Variants in VIT observed in about 807,000 individuals in gnomAD.
VIT encodes vitrin.
A neutral mutation model predicts 78.0 loss-of-function variants in VIT; 99 were observed. The ratio of observed to expected loss-of-function variants is 1.27; its 90% CI spans 1.08 to 1.50. VIT has a LOEUF of 1.50. VIT is among the 40% of genes most tolerant of loss of function. VIT has a pLI of 0.00. For missense variants in VIT, 1,126 were observed against 875.3 expected (o/e 1.29, Z -3.61); for synonymous variants, 374 against 334.3 (o/e 1.12, Z -1.29).
At chr2:36,781,035 GT>G (rs35732684) in intron 9 of VIT, among the ~76,000 whole-genome samples, 143,377 of 152,190 alleles carry the variant, frequency 0.94, 67,983 homozygotes, top group East Asian at 1. Flanking sequence ...CCAGTTTGTG[GT>G]TGAAGGCCAT....
chr2:36,721,837 T>C (rs78058168), intron 2 of VIT, among the ~76,000 whole-genome samples: 2 of 152,216 alleles, frequency 1.3e-5, no homozygotes, highest in South Asian at 4.1e-4. Flanking sequence ...CCCTTTAGGT[T>C]GGGCCATCTT....
At chr2:36,732,508 T>C (rs913308639) in intron 3 of VIT, among the ~76,000 whole-genome samples, 7 of 152,222 alleles carry the variant, frequency 4.6e-5, no homozygotes, top group African/African-American at 1.2e-4. Context: ...TCATAGTCTA[T>C]AGCTTGAGGC....
chr2:36,739,337 C>G (rs1170992589), intron 3 of VIT, among the ~76,000 whole-genome samples: 3 of 152,122 alleles, frequency 2.0e-5, no homozygotes, highest in African/African-American at 7.2e-5. Flanking sequence ...TTGATTTGGC[C>G]TACTACATAA....
chr2:36,771,525 CA>C (rs1228263784), intron 7 of VIT, among the ~76,000 whole-genome samples: 71 of 65,982 alleles, frequency 1.1e-3, no homozygotes, highest in East Asian at 2.1e-3. Flanking sequence ...GACTTCATCT[CA>C]AAAAAAAAAA....
At chr2:36,769,317 T>C (rs920141885) in intron 7 of VIT, among the ~76,000 whole-genome samples, 21 of 152,234 alleles carry the variant, frequency 1.4e-4, no homozygotes, top group Non-Finnish European at 1.5e-5. Flanking sequence ...TGGAAATCTG[T>C]TGCAAGTTGG....
chr2:36,774,834 A>G (rs1201921969), intron 8 of VIT, 168 bp from the exon 9 acceptor site: 1 of 985,294 alleles, frequency 1.0e-6, no homozygotes, highest in African/African-American at 1.7e-5. Flanking sequence ...CCCCTTGGCC[A>G]AGATTTTTGC....
chr2:36,773,948 G>T (rs896374214), intron 8 of VIT, 101 bp downstream of exon 8: 7 of 1,278,388 alleles, frequency 5.5e-6, no homozygotes, highest in Non-Finnish European at 7.4e-6. Context: ...TTTGGACAAG[G>T]ACTATTAAAC....
In VIT at chr2:36,729,491, A is replaced by G. The variant is rs753508357; in HGVS notation, c.118A>G (p.Thr40Ala). 2 of 1,608,554 alleles carry G rather than the reference A, an allele frequency of 1.2e-6. No homozygotes were observed. The highest frequency in any genetic ancestry group is 8.5e-7 in the Non-Finnish European group (1 of 1,177,566). The change falls in exon 3 of 16, where the codon ACT becomes GCT. Residue 40 changes from threonine (T) to alanine (A), a missense_variant and splice_region_variant. Coordinates refer to ENST00000379242, the MANE Select transcript of VIT (RefSeq NM_053276.4). Reference sequence around the variant, plus strand: ...AAAGAAGATTAAAAGGCCCAAGTTCAGTAAGTAAAATCACAATTCCTTGCT... The same window carrying G: ...AAAGAAGATTAAAAGGCCCAAGTTCGGTAAGTAAAATCACAATTCCTTGCT... ...TAKKIKRPKF[T>A]VPQINCDVKA...
intron 12 of VIT, among the ~76,000 whole-genome samples, chr2:36,791,298 T>C (rs1450675488): frequency 2.0e-5 from 3 of 152,192 alleles, no homozygotes; most frequent in Non-Finnish European, 4.4e-5. Context: ...TGGTCATGCA[T>C]TCAGCTGGGC....
At chr2:36,759,772 C>A in intron 6 of VIT, 1 of 663,972 alleles carries the variant, frequency 1.5e-6, no homozygotes, top group Non-Finnish European at 1.9e-6. Flanking sequence ...AAGGTGAACA[C>A]GGTTTAAGAA....
intron 7 of VIT, among the ~76,000 whole-genome samples, chr2:36,767,819 C>A (rs1213996393): frequency 6.6e-6 from 1 of 152,208 alleles, no homozygotes; most frequent in Admixed American, 6.5e-5. Context: ...CTAAGGAGCC[C>A]ATCTGATCAT....
chr2:36,803,043 A>C (rs868614156), intron 13 of VIT, among the ~76,000 whole-genome samples: 11 of 152,204 alleles, frequency 7.2e-5, no homozygotes, highest in African/African-American at 2.2e-4. Context: ...TGCTTTGTCC[A>C]GGAAGCCAGC....
intron 3 of VIT, among the ~76,000 whole-genome samples, chr2:36,733,483 T>C (rs1667328391): frequency 6.6e-6 from 1 of 152,200 alleles, no homozygotes; most frequent in South Asian, 2.1e-4. Context: ...TAGTAAAGTG[T>C]TAAGGAAGGT....
intron 4 of VIT, 100 bp from the exon 5 acceptor site, chr2:36,754,821 T>C: frequency 7.3e-7 from 1 of 1,368,218 alleles, no homozygotes; most frequent in East Asian, 2.4e-5. Flanking sequence ...CTTGCTGCTT[T>C]CCTATGTGTA....
chr2:36,798,583 C>CTATTT (rs1249315881), intron 12 of VIT, among the ~76,000 whole-genome samples: 3 of 151,994 alleles, frequency 2.0e-5, no homozygotes, highest in Admixed American at 6.6e-5. Flanking sequence ...AGTGAAACCC[C>CTATTT]GTCTCTATTA....
At chr2:36,742,180 GGAGTTATT>G (rs1375020082) in intron 3 of VIT, among the ~76,000 whole-genome samples, 1 of 152,110 alleles carries the variant, frequency 6.6e-6, no homozygotes, top group Non-Finnish European at 1.5e-5. Context: ...TTTTCCTTCT[GGAGTTATT>G]GAGGAAAAAT....
At chr2:36,719,048 G>A (rs1018316467) in intron 2 of VIT, among the ~76,000 whole-genome samples, 2 of 152,198 alleles carry the variant, frequency 1.3e-5, no homozygotes, top group African/African-American at 4.8e-5. Context: ...TTCACCTTCT[G>A]CATGTTCCCA....
intron 7 of VIT, among the ~76,000 whole-genome samples, chr2:36,769,200 T>A (rs1317435092): frequency 1.3e-5 from 2 of 152,244 alleles, no homozygotes; most frequent in Non-Finnish European, 2.9e-5. Context: ...GATTTTTGAG[T>A]ATCTGAGTTA....
chr2:36,716,512 A>G (rs972755272), intron 2 of VIT, 90 bp downstream of exon 2: 4 of 1,126,530 alleles, frequency 3.6e-6, no homozygotes, highest in Non-Finnish European at 5.3e-6. Context: ...AAACCAAGAC[A>G]GAGCATATAA....
Sources: gnomAD v4.1 joint callset for allele counts (sites outside exome capture counted in the v4.1 genomes callset) on GRCh38, gnomAD v4.1.1 for gene constraint, MANE v1.5 for transcripts, NCBI Gene and HGNC (gene_info 2026-07-23, HGNC 2026-07-21) for gene names.